Variants in SPIN1 observed in about 807,000 individuals in gnomAD.
SPIN1 encodes spindlin 1, also known as spindlin-1.
A neutral mutation model predicts 26.0 loss-of-function variants in SPIN1; 3 were observed. The observed-to-expected ratio is 0.12, with a 90% CI of 0.05 to 0.30. SPIN1 has a LOEUF of 0.30. SPIN1 is among the 10% of genes least tolerant of loss of function. The pLI, the probability that SPIN1 is intolerant of heterozygous loss-of-function variation, is 1.00. For synonymous variants in SPIN1, 101 were observed against 116.5 expected (o/e 0.87, Z 0.86); for missense variants, 126 against 333.4 (o/e 0.38, Z 4.84).
chr9:88,444,381 C>T (rs1268025550), intron 2 of SPIN1, among the ~76,000 whole-genome samples: 5 of 151,394 alleles, frequency 3.3e-5, no homozygotes. Context: ...GCTGGGACTA[C>T]AGGCACCTGC....
Position 88,475,331 on chromosome 9 carries a change from G to A in SPIN1, c.*54G>A, listed in dbSNP as rs1828869801. ...GGAACTATGAAATGTATTATTTGTAGACATAAAGACTTGATTGCTTTCCAG... is the reference window on the plus strand; with the variant it reads ...GGAACTATGAAATGTATTATTTGTAAACATAAAGACTTGATTGCTTTCCAG... On this transcript the variant is annotated 3_prime_UTR_variant, in exon 6 of 6. Coordinates refer to ENST00000375859, the MANE Select transcript of SPIN1 (RefSeq NM_006717.3). 5.1e-6 allele frequency: 8 copies of A among 1,554,362 alleles called. No individual in the cohort carries two copies. The highest frequency in any genetic ancestry group is 1.8e-4 in the Middle Eastern group (1 of 5,540).
intron 3 of SPIN1, among the ~76,000 whole-genome samples, chr9:88,461,768 G>A (rs1374440187): frequency 1.3e-5 from 2 of 152,146 alleles, no homozygotes; most frequent in Non-Finnish European, 2.9e-5. Context: ...CTGATATCAA[G>A]AGCCAGGTGT....
At chr9:88,412,839 A>T (rs1255041180) in intron 1 of SPIN1, among the ~76,000 whole-genome samples, 1 of 151,300 alleles carries the variant, frequency 6.6e-6, no homozygotes, top group Non-Finnish European at 1.5e-5. Context: ...GCATGCCACC[A>T]CACCCGGGTA....
intron 2 of SPIN1, among the ~76,000 whole-genome samples, chr9:88,435,725 T>A (rs2118068731): frequency 6.6e-6 from 1 of 152,316 alleles, no homozygotes; most frequent in East Asian, 1.9e-4. Context: ...TAGGGGTCAT[T>A]TACCTTCTTA....
intron 2 of SPIN1, among the ~76,000 whole-genome samples, chr9:88,448,418 C>T (rs1410611065): frequency 6.6e-6 from 1 of 152,112 alleles, no homozygotes; most frequent in Non-Finnish European, 1.5e-5. Flanking sequence ...GTGGCACAAA[C>T]ACAGCTCACT....
chr9:88,394,364 T>C (rs770704824), intron 1 of SPIN1, among the ~76,000 whole-genome samples: 6 of 152,116 alleles, frequency 3.9e-5, no homozygotes, highest in Non-Finnish European at 8.8e-5. Context: ...TATTGAGGAT[T>C]AGAATTTAGA....
At chr9:88,453,031 A>C (rs1422484628) in intron 3 of SPIN1, among the ~76,000 whole-genome samples, 1 of 152,222 alleles carries the variant, frequency 6.6e-6, no homozygotes, top group Admixed American at 6.5e-5. Flanking sequence ...CCAAGATTAG[A>C]TATTTAAATA....
chr9:88,411,374 AG>A (rs1827438811), intron 1 of SPIN1: 1 of 1,584,900 alleles, frequency 6.3e-7, no homozygotes, highest in Non-Finnish European at 8.6e-7. Flanking sequence ...ATGGCTCCTC[AG>A]GCTCTCATCG....
chr9:88,437,169 A>G (rs1346307749), intron 2 of SPIN1, among the ~76,000 whole-genome samples: 1 of 151,974 alleles, frequency 6.6e-6, no homozygotes, highest in South Asian at 2.1e-4. Flanking sequence ...TTGAAGAAAC[A>G]TCTTGGTTGC....
At chr9:88,471,654 CAAAAAAAAA>C (rs1166469042) in intron 5 of SPIN1, among the ~76,000 whole-genome samples, 7 of 59,746 alleles carry the variant, frequency 1.2e-4, no homozygotes, top group Non-Finnish European at 1.4e-4. Flanking sequence ...GACTCTGTCT[CAAAAAAAAA>C]AAAAAAAAAA....
chr9:88,459,275 T>A (rs934073674), intron 3 of SPIN1, among the ~76,000 whole-genome samples: 4 of 152,196 alleles, frequency 2.6e-5, no homozygotes, highest in Non-Finnish European at 1.5e-5. Flanking sequence ...AAAAAAGTAT[T>A]GCTACAAAGG....
chr9:88,448,947 C>T lies in SPIN1; in HGVS notation c.59C>T (p.Ala20Val). 4 of 1,612,976 alleles carry T rather than the reference C, an allele frequency of 2.5e-6. No individual in the cohort carries two copies. The highest frequency in any genetic ancestry group is 3.4e-6 in the Non-Finnish European group (4 of 1,179,716). The change falls in exon 3 of 6, where the codon GCT (alanine) becomes GTT (valine). Residue 20 changes from alanine (A) to valine (V), a missense_variant. Physicochemically the swap from Ala to Val is moderately conservative, Grantham distance 64. Transcript: ENST00000375859. ...ATACTCATCTCTCTTACAGGCCATG[C>T]TGGAGTATCTGCCAACATGATGAAG... Reference protein sequence around the residue: ...GQRSRADAGHAGVSANMMKKR... With the variant: ...GQRSRADAGHVGVSANMMKKR...
rs968050605 is a variant in SPIN1, at chr9:88,476,806, G to A, written c.*1529G>A. 9 of 152,190 alleles carry A rather than the reference G, an allele frequency of 5.9e-5. No homozygotes were observed. The highest frequency in any genetic ancestry group is 2.2e-4 in the African/African-American group (9 of 41,438). 9.4% of individuals were successfully genotyped at this position (152,190 alleles called of 1,614,324 possible). ...ATATGTGAAACCAGTCTCTTGTGGA[G>A]ATTGGAAATCCTCCCTGATATTTGG... On this transcript the variant is annotated 3_prime_UTR_variant, in exon 6 of 6. Transcript: ENST00000375859.
Position 88,410,321 on chromosome 9 carries a change from A to T in SPIN1, c.-158-16061A>T, listed in dbSNP as rs541639808. ...TGGAATGCTTTAAACAAAAGAACAG[A>T]AACTAAAATAACCTGTTATACAATT... On this transcript the variant is annotated intron_variant, in intron 1 of 5. Transcript: ENST00000375859. Among the ~76,000 whole-genome samples, 125 of 152,252 alleles carry T rather than the reference A, an allele frequency of 8.2e-4. 1 individual carries two copies. The highest frequency in any genetic ancestry group is 1.3e-3 in the Admixed American group (20 of 15,282).
rs1322545593 is a variant in SPIN1, at chr9:88,410,984, T to C, written c.-158-15398T>C. 2.5e-5 allele frequency: 35 copies of C among 1,419,932 alleles called. No homozygotes were observed. The Admixed American group carries it at 5.4e-4, about 22-fold the overall frequency. The allele number at this position is 1,419,932 out of a possible 1,614,324, so 88.0% of individuals were successfully genotyped here. Reference sequence around the variant, plus strand: ...ATGATATTTCTGAATGACAGTCTTATCCACGGAGTTGTGGTCGTCAAAGGT... The same window carrying C: ...ATGATATTTCTGAATGACAGTCTTACCCACGGAGTTGTGGTCGTCAAAGGT... On this transcript the variant is annotated intron_variant, in intron 1 of 5. Transcript: ENST00000375859.
chr9:88,404,812 A>T (rs1050484774), intron 1 of SPIN1, among the ~76,000 whole-genome samples: 6 of 150,758 alleles, frequency 4.0e-5, no homozygotes, highest in African/African-American at 1.5e-4. Context: ...GCTACTCGGG[A>T]GGCTGAGGCA....
intron 1 of SPIN1, among the ~76,000 whole-genome samples, chr9:88,404,691 A>C (rs1300725935): frequency 2.0e-5 from 3 of 152,022 alleles, no homozygotes; most frequent in Non-Finnish European, 2.9e-5. Context: ...CGAGGCAGGC[A>C]GATCACCTGA....
chr9:88,423,534 G>A lies in SPIN1; in HGVS notation c.-158-2848G>A, dbSNP rs542649834. On this transcript the variant is annotated intron_variant, in intron 1 of 5. Transcript: ENST00000375859. The stretch of plus-strand genomic sequence containing the variant: ...GCTCACTCTAACCTCTGCCTCCCGA[G>A]TTCAAGCAGTTCTCCTGCCTCAGCC... Among the ~76,000 whole-genome samples the A allele has an allele frequency of 4.5e-4, 68 of 152,080 alleles. 1 individual carries two copies. Among genetic ancestry groups the A allele is most frequent in the African/African-American group, 1.5e-3 (64 of 41,492 alleles).
At chr9:88,390,352 G>A (rs1368314902) in intron 1 of SPIN1, among the ~76,000 whole-genome samples, 1 of 152,150 alleles carries the variant, frequency 6.6e-6, no homozygotes, top group Non-Finnish European at 1.5e-5. Context: ...GTGCCCCTCT[G>A]CATTTCGTGG....
Sources: allele counts gnomAD v4.1 joint callset (sites outside exome capture counted in the v4.1 genomes callset), GRCh38; gene constraint gnomAD v4.1.1; transcripts MANE v1.5; gene names NCBI Gene and HGNC (gene_info 2026-07-23, HGNC 2026-07-21).